RSPRY1: variants seen among roughly 807,000 people sequenced by gnomAD.
RSPRY1 encodes the protein RING finger and SPRY domain-containing protein 1.
A neutral mutation model predicts 73.1 loss-of-function variants in RSPRY1; 23 were observed. The ratio of observed to expected loss-of-function variants is 0.31; its 90% CI spans 0.23 to 0.45. RSPRY1 has a LOEUF of 0.45. Ranked by LOEUF, RSPRY1 falls within the 20% of genes least tolerant of loss-of-function variation. The pLI is 1.00. For synonymous variants in RSPRY1, 226 were observed against 251.4 expected, an observed-to-expected ratio of 0.90 and a Z score of 0.95; for missense variants, 448 against 698.7, an observed-to-expected ratio of 0.64 and a Z score of 4.05.
At chr16:57,198,822 G>A (rs569140676) in intron 1 of RSPRY1, among the ~76,000 whole-genome samples, 1 of 152,348 alleles carries the variant, frequency 6.6e-6, no homozygotes, top group South Asian at 2.1e-4. Flanking sequence ...TGTATGGAAA[G>A]GCTGTGGGGT....
chr16:57,190,413 G>T (rs2074333582), intron 1 of RSPRY1, among the ~76,000 whole-genome samples: 1 of 152,170 alleles, frequency 6.6e-6, no homozygotes, highest in East Asian at 1.9e-4. Flanking sequence ...GTAAAGTGGG[G>T]TGTGATAGTC....
In RSPRY1 at chr16:57,213,079, C is replaced by G; in HGVS notation, c.624C>G (p.Cys208Trp). 1 of 1,612,116 alleles carries G rather than the reference C, an allele frequency of 6.2e-7. No homozygotes were observed. Among genetic ancestry groups the G allele is most frequent in the Non-Finnish European group, 8.5e-7 (1 of 1,179,076 alleles). ...GGAACACATCTGCAGTCCTAGGCTG[C>G]TTGGCCGAGAAACTAGCAGGTAACT... Reference protein sequence around the residue: ...KHRNTSAVLGCLAEKLAGPAS... With the variant: ...KHRNTSAVLGWLAEKLAGPAS... The change falls in exon 5 of 15, where the codon TGC (cysteine) becomes TGG (tryptophan). Residue 208 changes from cysteine (C) to tryptophan (W), a missense_variant. By Grantham distance (215) the Cys-to-Trp change is radical. Transcript: ENST00000394420.
chr16:57,238,837 T>C lies in RSPRY1; in HGVS notation c.1635-42T>C, dbSNP rs1168750611. ...TGGCAGGCAGTTGGAGTTTGACCTT[T>C]TGAAGCATTAACTTGACTGACTTTT... On this transcript the variant is annotated intron_variant, in intron 14 of 14. Coordinates refer to ENST00000394420, the MANE Select transcript of RSPRY1 (RefSeq NM_133368.3). The C allele has an allele frequency of 5.8e-6, 7 of 1,212,602 alleles. No individual in the cohort carries two copies. In the African/African-American group the frequency reaches 7.7e-5, roughly 13 times the overall value. 75.1% of individuals were successfully genotyped at this position (1,212,602 alleles called of 1,614,324 possible). A position where few individuals can be genotyped will look rare whatever the true frequency, so the allele number is the denominator to read the frequency against.
Position 57,189,893 on chromosome 16 carries a change from G to A in RSPRY1, c.-156+3442G>A, listed in dbSNP as rs116707644. Among the ~76,000 whole-genome samples the A allele has an allele frequency of 3.8e-3, 579 of 152,048 alleles. 4 individuals carry two copies. The highest frequency in any genetic ancestry group is 0.012 in the African/African-American group (488 of 41,506). On this transcript the variant is annotated intron_variant, in intron 1 of 14. Transcript: ENST00000394420. ...GGTGTGAGCCACCATGCCTGGCCTC[G>A]TGAGCTTAATTTAGTCTGTTGAGAA...
At chr16:57,193,683 A>T (rs1048280181) in intron 1 of RSPRY1, among the ~76,000 whole-genome samples, 1 of 151,994 alleles carries the variant, frequency 6.6e-6, no homozygotes, top group South Asian at 2.1e-4. Context: ...TTAAGCAAAT[A>T]TGTTTCTAGA....
intron 1 of RSPRY1, among the ~76,000 whole-genome samples, chr16:57,202,167 AAAT>A (rs1225213923): frequency 6.6e-6 from 1 of 152,112 alleles, no homozygotes; most frequent in African/African-American, 2.4e-5. Flanking sequence ...AAAAAATAAA[AAAT>A]AAAAAATCTT....
chr16:57,212,937 T>G, intron 4 of RSPRY1, 35 bp from the exon 5 acceptor site: 2 of 1,608,862 alleles, frequency 1.2e-6, no homozygotes, highest in Non-Finnish European at 1.7e-6. Flanking sequence ...CTGTGTAGTA[T>G]ATGGGTCAAA....
intron 6 of RSPRY1, among the ~76,000 whole-genome samples, chr16:57,214,280 G>A (rs189568218): frequency 9.2e-5 from 14 of 152,258 alleles, no homozygotes; most frequent in African/African-American, 2.9e-4. Flanking sequence ...ATTACATGGC[G>A]TTCCAAGCCA....
intron 1 of RSPRY1, among the ~76,000 whole-genome samples, chr16:57,194,039 C>G (rs2074395830): frequency 6.6e-6 from 1 of 151,768 alleles, no homozygotes; most frequent in South Asian, 2.1e-4. Context: ...GCACTCCATC[C>G]TGGGCAACAG....
At chr16:57,199,548 A>G (rs867704516) in intron 1 of RSPRY1, among the ~76,000 whole-genome samples, 14 of 152,346 alleles carry the variant, frequency 9.2e-5, no homozygotes, top group South Asian at 2.1e-4. Flanking sequence ...AGGCAAACAT[A>G]TGAAGCTTTT....
chr16:57,210,013 T>C (rs777195811), intron 4 of RSPRY1, among the ~76,000 whole-genome samples: 38 of 149,102 alleles, frequency 2.5e-4, no homozygotes, highest in Non-Finnish European at 5.0e-4. Flanking sequence ...TGCTTTTTTT[T>C]CTTCTTTCTT....
intron 3 of RSPRY1, 39 bp downstream of exon 3, chr16:57,208,149 T>C: frequency 7.9e-7 from 1 of 1,258,158 alleles, no homozygotes. Context: ...ATAATGAATA[T>C]ATAATAATGA....
chr16:57,191,654 G>GTT (rs1403179011), intron 1 of RSPRY1, among the ~76,000 whole-genome samples: 88 of 151,936 alleles, frequency 5.8e-4, no homozygotes, highest in African/African-American at 2.1e-3. Context: ...TAATTTATAG[G>GTT]TTTTTTTGTT....
chr16:57,224,511 C>CA (rs2146338898), intron 10 of RSPRY1: 1 of 152,226 alleles, frequency 6.6e-6, no homozygotes, highest in South Asian at 2.1e-4. Context: ...TATGCATGAC[C>CA]AAAAAACAGG....
At chr16:57,195,678 G>A (rs1287013972) in intron 1 of RSPRY1, among the ~76,000 whole-genome samples, 2 of 117,594 alleles carry the variant, frequency 1.7e-5, no homozygotes, top group Admixed American at 8.4e-5. Context: ...TTTTTTTTTT[G>A]TCTCAAAGTT....
chr16:57,228,272 C>CAA (rs34368338), intron 11 of RSPRY1, among the ~76,000 whole-genome samples: 37 of 72,050 alleles, frequency 5.1e-4, no homozygotes, highest in Admixed American at 7.6e-4. Flanking sequence ...GACTCCATCT[C>CAA]AAAAAAAAAA....
At chr16:57,196,020 C>CAA (rs1185993362) in intron 1 of RSPRY1, among the ~76,000 whole-genome samples, 4,922 of 127,070 alleles carry the variant, frequency 0.039, 118 homozygotes, top group African/African-American at 0.059. Context: ...GACTTCATCT[C>CAA]AAAAAAAAAA....
chr16:57,207,523 G>C, intron 2 of RSPRY1: 2 of 451,768 alleles, frequency 4.4e-6, no homozygotes, highest in South Asian at 1.6e-5. Context: ...ATGTTAAGTA[G>C]TTCCTTAAGT....
chr16:57,212,035 G>A (rs1042977025), intron 4 of RSPRY1, among the ~76,000 whole-genome samples: 3 of 152,190 alleles, frequency 2.0e-5, no homozygotes, highest in African/African-American at 7.2e-5. Context: ...GTTGGGGCAG[G>A]GTGCAGTGGT....
Sources: allele counts gnomAD v4.1 joint callset (sites outside exome capture counted in the v4.1 genomes callset), GRCh38; gene constraint gnomAD v4.1.1; transcripts MANE v1.5; gene names NCBI Gene and HGNC (gene_info 2026-07-23, HGNC 2026-07-21).